ZFP91: variants seen among roughly 807,000 people sequenced by gnomAD.
ZFP91 encodes the protein E3 ubiquitin-protein ligase ZFP91.
A neutral mutation model predicts 63.5 loss-of-function variants in ZFP91; 7 were observed. That is an observed-to-expected ratio of 0.11 (90% CI 0.06 to 0.21). ZFP91 has a LOEUF of 0.21. ZFP91 is among the 10% of genes least tolerant of loss of function. ZFP91 has a pLI of 1.00. For missense variants in ZFP91, 628 were observed against 736.6 expected, an observed-to-expected ratio of 0.85 and a Z score of 1.71; for synonymous variants, 330 against 272.1, an observed-to-expected ratio of 1.21 and a Z score of -2.10.
rs186534597 is a variant in ZFP91, at chr11:58,592,249, A to G, written c.370+7365A>G. Among the ~76,000 whole-genome samples, 503 of 151,410 alleles carry G rather than the reference A, an allele frequency of 3.3e-3. 2 individuals are homozygous for G. The highest frequency in any genetic ancestry group is 3.6e-3 in the Non-Finnish European group (242 of 67,798). ...AGGTGGTGTACCACCACATCTGCCT[A>G]ATTTTTTGTATTTTTTTAGTAGAGA... On this transcript the variant is annotated intron_variant, in intron 2 of 10. Coordinates refer to ENST00000316059, the MANE Select transcript of ZFP91 (RefSeq NM_053023.5).
In ZFP91 at chr11:58,602,689, T is replaced by C. The variant is rs560866148; in HGVS notation, c.371-7141T>C. Among the ~76,000 whole-genome samples, 51 of 152,286 alleles carry C rather than the reference T, an allele frequency of 3.3e-4. 1 individual carries two copies. The South Asian group carries it at 8.9e-3, about 27-fold the overall frequency. ...AATGGAACATTGAGAAATAGGGGCTTTGTAGTAAATAGGCTTTTGTGGTAA... is the reference window on the plus strand; with the variant it reads ...AATGGAACATTGAGAAATAGGGGCTCTGTAGTAAATAGGCTTTTGTGGTAA... On this transcript the variant is annotated intron_variant, in intron 2 of 10. Transcript: ENST00000316059.
At chr11:58,610,751 C>T (rs183305008) in intron 4 of ZFP91, among the ~76,000 whole-genome samples, 199 bp from the exon 5 acceptor site, 108 of 152,184 alleles carry the variant, frequency 7.1e-4, no homozygotes, top group African/African-American at 2.6e-3. Flanking sequence ...CTGTCTTTAT[C>T]TAGGATTTAT....
At chr11:58,608,222 CTT>C (rs1446628500) in intron 2 of ZFP91, among the ~76,000 whole-genome samples, 1 of 151,660 alleles carries the variant, frequency 6.6e-6, no homozygotes, top group African/African-American at 2.4e-5. Flanking sequence ...ATATCTCTCT[CTT>C]ACATATGTAC....
In ZFP91 at chr11:58,610,277, T is replaced by C. The variant is rs759355283; in HGVS notation, c.581-21T>C. ...TTATATCTACACTAATAAAATTTTG[T>C]TTTTGGCTTTGTTTTTCTAGATGTT... On this transcript the variant is annotated intron_variant, in intron 3 of 10. Coordinates refer to ENST00000316059, the MANE Select transcript of ZFP91 (RefSeq NM_053023.5). The C allele has an allele frequency of 1.0e-5, 16 of 1,588,734 alleles. No homozygotes were observed. In the Admixed American group the frequency reaches 2.8e-4, roughly 28 times the overall value.
chr11:58,595,132 G>A (rs567123622), intron 2 of ZFP91, among the ~76,000 whole-genome samples: 3 of 152,124 alleles, frequency 2.0e-5, no homozygotes, highest in Non-Finnish European at 2.9e-5. Flanking sequence ...CTTTTAATAT[G>A]TGCACTTGGG....
At chr11:58,615,083 ACTGTAGGAAAGTTACTTAACTT>A (rs1184588589) in intron 9 of ZFP91, among the ~76,000 whole-genome samples, 1 of 152,186 alleles carries the variant, frequency 6.6e-6, no homozygotes, top group African/African-American at 2.4e-5. Context: ...TCCTTCATTT[ACTGTAGGAAAGTTACTTAACTT>A]CTCTTTTCAC....
At chr11:58,598,556 C>T (rs898115546) in intron 2 of ZFP91, among the ~76,000 whole-genome samples, 1 of 151,964 alleles carries the variant, frequency 6.6e-6, no homozygotes, top group African/African-American at 2.4e-5. Context: ...GCTTTTTTCT[C>T]TTATTATTTA....
chr11:58,606,536 G>A (rs773835854), intron 2 of ZFP91, among the ~76,000 whole-genome samples: 7 of 152,100 alleles, frequency 4.6e-5, no homozygotes, highest in Admixed American at 6.5e-5. Flanking sequence ...GGGGGTACAT[G>A]TGCAGGTTTG....
chr11:58,597,825 A>G (rs1855427414), intron 2 of ZFP91, among the ~76,000 whole-genome samples: 1 of 152,140 alleles, frequency 6.6e-6, no homozygotes, highest in South Asian at 2.1e-4. Flanking sequence ...TCAACCTTCT[A>G]TGCTTATTAA....
At chr11:58,616,057 A>T (rs577470132) in intron 9 of ZFP91, among the ~76,000 whole-genome samples, 1 of 152,362 alleles carries the variant, frequency 6.6e-6, no homozygotes, top group African/African-American at 2.4e-5. Context: ...GAAATCCTGC[A>T]TAATGGGGTT....
intron 2 of ZFP91, among the ~76,000 whole-genome samples, chr11:58,599,826 T>C (rs535604584): frequency 7.2e-5 from 11 of 152,080 alleles, no homozygotes; most frequent in Admixed American, 2.6e-4. Context: ...CTAGCTCCTG[T>C]GTTTAGGTCT....
At chr11:58,586,528 CCACTTTA>C (rs1371189396) in intron 2 of ZFP91, among the ~76,000 whole-genome samples, 1 of 152,062 alleles carries the variant, frequency 6.6e-6, no homozygotes, top group African/African-American at 2.4e-5. Context: ...AAGATCAATC[CCACTTTA>C]CTGTTTAAAG....
chr11:58,591,763 T>C (rs1416999997), intron 2 of ZFP91, among the ~76,000 whole-genome samples: 1 of 152,166 alleles, frequency 6.6e-6, no homozygotes, highest in Non-Finnish European at 1.5e-5. Flanking sequence ...AAGACAAATT[T>C]GTATCTAGAG....
Position 58,617,185 on chromosome 11 carries a change from C to A in ZFP91, c.1203-11C>A, listed in dbSNP as rs749984340. Reference sequence around the variant, plus strand: ...TGTTGGATCAGCCATTTCCTTTTCTCCTCTCCTTAGATGTGAGATCTGTGG... The same window carrying A: ...TGTTGGATCAGCCATTTCCTTTTCTACTCTCCTTAGATGTGAGATCTGTGG... On this transcript the variant is annotated splice_polypyrimidine_tract_variant and intron_variant, in intron 10 of 10. Transcript: ENST00000316059. The surrounding 1 kb of genome is among the most constrained non-coding windows in gnomAD (Gnocchi z 4.2). The A allele has an allele frequency of 6.4e-7, 1 of 1,555,256 alleles. No individual in the cohort carries two copies. Among genetic ancestry groups the A allele is most frequent in the Admixed American group, 2.0e-5 (1 of 49,994 alleles).
chr11:58,579,755 A>T (rs1267104622), intron 1 of ZFP91, 133 bp downstream of exon 1: 1 of 847,572 alleles, frequency 1.2e-6, no homozygotes, highest in Middle Eastern at 3.6e-4. Flanking sequence ...GCCAGATGTC[A>T]CACCGTTTCC....
At chr11:58,612,660 T>C (rs1855685340) in intron 7 of ZFP91, 102 bp from the exon 8 acceptor site, 2 of 863,804 alleles carry the variant, frequency 2.3e-6, no homozygotes, top group Non-Finnish European at 3.7e-6. Context: ...TTCTTCCTAC[T>C]ATAAAATAGC....
chr11:58,599,876 T>C (rs1034291277), intron 2 of ZFP91, among the ~76,000 whole-genome samples: 12 of 152,082 alleles, frequency 7.9e-5, no homozygotes, highest in Non-Finnish European at 1.2e-4. Flanking sequence ...TGGTATAAGG[T>C]AGGAATACAA....
At chr11:58,584,819 A>G (rs1855177336) in intron 1 of ZFP91, 37 bp from the exon 2 acceptor site, 2 of 1,512,404 alleles carry the variant, frequency 1.3e-6, no homozygotes, top group Non-Finnish European at 8.9e-7. Context: ...AAAATGTGCT[A>G]GATTGTTCAT....
intron 2 of ZFP91, among the ~76,000 whole-genome samples, chr11:58,601,253 CT>C (rs1645244718): frequency 6.6e-6 from 1 of 152,086 alleles, no homozygotes; most frequent in South Asian, 2.1e-4. Flanking sequence ...TTATTGGGAG[CT>C]TTTTGTTTAC....
Sources: allele counts gnomAD v4.1 joint callset (sites outside exome capture counted in the v4.1 genomes callset), GRCh38; gene constraint gnomAD v4.1.1; non-coding constraint Gnocchi (gnomAD v3.1); transcripts MANE v1.5; gene names NCBI Gene and HGNC (gene_info 2026-07-23, HGNC 2026-07-21).